The following POLA2 variants were observed in gnomAD, a reference collection of about 807,000 sequenced individuals.
The protein encoded by POLA2 is DNA polymerase alpha 2, accessory subunit, also known as DNA polymerase alpha subunit B.
A neutral mutation model predicts 82.8 loss-of-function variants in POLA2; 47 were observed. The observed-to-expected ratio is 0.57, with a 90% CI of 0.45 to 0.72. POLA2 has a LOEUF of 0.72. POLA2 is among the 30% of genes least tolerant of loss of function. The pLI is 0.00. For synonymous variants in POLA2, 287 were observed against 286.8 expected (o/e 1.00, Z -0.01); for missense variants, 634 against 728.1 (o/e 0.87, Z 1.49).
Position 65,281,162 on chromosome 11 carries a change from G to A in POLA2, c.900+15G>A, listed in dbSNP as rs549140949. On this transcript the variant is annotated intron_variant, in intron 8 of 17. Coordinates refer to ENST00000265465, the MANE Select transcript of POLA2 (RefSeq NM_002689.4). ...TTCCTGGACAGGTGAGATTGGAGGAGTTCCACCAGAATGCAGGCGCACTCT... is the reference window on the plus strand; with the variant it reads ...TTCCTGGACAGGTGAGATTGGAGGAATTCCACCAGAATGCAGGCGCACTCT... 6.2e-7 allele frequency: 1 copy of A among 1,613,056 alleles called. No homozygotes were observed. The highest frequency in any genetic ancestry group is 1.3e-5 in the African/African-American group (1 of 75,044).
rs764002978 is a variant in POLA2 at position 65,279,639 on chromosome 11, C to T, written c.744+13C>T. ...AGCCCCAGCACAGGTAAGAGTTGTTCTAATAGTTCTCACTAATTAATATTA... is the reference window on the plus strand; with the variant it reads ...AGCCCCAGCACAGGTAAGAGTTGTTTTAATAGTTCTCACTAATTAATATTA... On this transcript the variant is annotated intron_variant, in intron 7 of 17. Coordinates refer to ENST00000265465, the MANE Select transcript of POLA2 (RefSeq NM_002689.4). The T allele has an allele frequency of 6.4e-7, 1 of 1,556,782 alleles. No individual in the cohort carries two copies. Among genetic ancestry groups the T allele is most frequent in the East Asian group, 2.3e-5 (1 of 44,366 alleles).
At chr11:65,296,994 G>T in intron 17 of POLA2, 126 bp from the exon 18 acceptor site, 5 of 808,494 alleles carry the variant, frequency 6.2e-6, no homozygotes, top group Non-Finnish European at 7.9e-6. Flanking sequence ...CTGGTGATTT[G>T]GTTGCCTTCG....
rs189353467 is a variant in POLA2 at position 65,298,236 on chromosome 11, C to G, written c.*967C>G. Reference sequence around the variant, plus strand: ...ATGCATGCTGTGGTCCCAGCCTGACCTCTCCATCTGGAGGGGGCCGCCTCG... The same window carrying G: ...ATGCATGCTGTGGTCCCAGCCTGACGTCTCCATCTGGAGGGGGCCGCCTCG... On this transcript the variant is annotated 3_prime_UTR_variant, in exon 18 of 18. Coordinates refer to ENST00000265465, the MANE Select transcript of POLA2 (RefSeq NM_002689.4). The G allele has an allele frequency of 1.3e-5, 2 of 152,486 alleles. No homozygotes were observed. The highest frequency in any genetic ancestry group is 1.3e-4 in the Admixed American group (2 of 15,308). 9.4% of individuals were successfully genotyped at this position (152,486 alleles called of 1,614,324 possible).
At position 65,287,822 on chromosome 11, in the gene POLA2, G is replaced by C. The variant is rs1181009222; in HGVS notation, c.1113G>C (p.Arg371=). Residue 371 remains arginine, a synonymous_variant, in exon 11 of 18, where the codon CGG becomes CGC. Coordinates refer to ENST00000265465, the MANE Select transcript of POLA2 (RefSeq NM_002689.4). ...LDLIAVINHD[R]PDVCILFGPF... ...TGATTGCTGTCATCAACCATGACCGGCCAGATGTCTGCATCCTGGTAAGAG... is the reference window on the plus strand; with the variant it reads ...TGATTGCTGTCATCAACCATGACCGCCCAGATGTCTGCATCCTGGTAAGAG... 1.9e-6 allele frequency: 3 copies of C among 1,613,592 alleles called. No homozygotes were observed. Among genetic ancestry groups the C allele is most frequent in the Non-Finnish European group, 2.5e-6 (3 of 1,179,804 alleles).
At chr11:65,304,434 ACCATCCACCCAC>A (rs1949875851) in intron 8 of POLA2, among the ~76,000 whole-genome samples, 1 of 134,044 alleles carries the variant, frequency 7.5e-6, no homozygotes, top group African/African-American at 3.1e-5. Context: ...CATCCACCCA[ACCATCCACCCAC>A]CCACCCATCC....
intron 7 of POLA2, chr11:65,280,738 A>C: frequency 2.5e-4 from 113 of 454,914 alleles, no homozygotes; most frequent in East Asian, 4.7e-4. Context: ...CCCCTACACT[A>C]GAGATGCTCA....
At chr11:65,263,520 G>T (rs999238935) in intron 1 of POLA2, among the ~76,000 whole-genome samples, 1 of 152,004 alleles carries the variant, frequency 6.6e-6, no homozygotes, top group African/African-American at 2.4e-5. Flanking sequence ...CAGCAGGCTC[G>T]GTCCTTCTCT....
chr11:65,303,070 C>T (rs1348218729), downstream of POLA2, among the ~76,000 whole-genome samples: 2 of 152,048 alleles, frequency 1.3e-5, no homozygotes, highest in African/African-American at 2.4e-5. Flanking sequence ...GGGCCAGGCG[C>T]GGTGGCTGAC....
intron 13 of POLA2, among the ~76,000 whole-genome samples, chr11:65,293,297 G>T (rs1033756182): frequency 6.6e-6 from 1 of 152,074 alleles, no homozygotes; most frequent in Non-Finnish European, 1.5e-5. Context: ...CAGTCAGAGG[G>T]TTTCAGCTGG....
intron 1 of POLA2, among the ~76,000 whole-genome samples, chr11:65,264,542 C>G (rs1420021350): frequency 6.6e-6 from 1 of 152,168 alleles, no homozygotes; most frequent in Non-Finnish European, 1.5e-5. Context: ...TCCACCTTCT[C>G]CTGTAACATC....
In POLA2 at chr11:65,297,504, A is replaced by AAACCTGTCACCTCTCCTCTCCTCCCCAG; in HGVS notation, c.*235_*236insAACCTGTCACCTCTCCTCTCCTCCCCAG. 2.6e-6 allele frequency: 1 copy of AAACCTGTCACCTCTCCTCTCCTCCCCAG among 389,576 alleles called. No individual in the cohort carries two copies. The allele number at this position is 389,576 out of a possible 1,614,324, so 24.1% of individuals were successfully genotyped here. On this transcript the variant is annotated 3_prime_UTR_variant, in exon 18 of 18. Transcript: ENST00000265465. ...GCTTCTCAGTCCATGCTCCGTGTCCAGAAGTAAGCCAGCTGTGGATCCCGC... is the reference window on the plus strand; with the variant it reads ...GCTTCTCAGTCCATGCTCCGTGTCCAAACCTGTCACCTCTCCTCTCCTCCCCAGGAAGTAAGCCAGCTGTGGATCCCGC...
chr11:65,290,202 C>A (rs974778616), intron 13 of POLA2, among the ~76,000 whole-genome samples: 2 of 143,754 alleles, frequency 1.4e-5, no homozygotes, highest in Non-Finnish European at 3.0e-5. Context: ...GAGCCAAGAT[C>A]GTGCCGTTGC....
In POLA2 at chr11:65,295,958, A is replaced by C. The variant is rs1302848266; in HGVS notation, c.1615A>C (p.Ile539Leu). ...GCTGCCTGTCACCCCAGATGTCCTC[A>C]TCATCCCGTCAGAGCTGAGGTACTT... is the stretch of plus-strand genomic sequence containing the variant. ...AQLPVTPDVLIIPSELRYFVK... is the reference protein window; with the variant it reads ...AQLPVTPDVLLIPSELRYFVK... Residue 539 changes from isoleucine (I) to leucine (L), a missense_variant, in exon 17 of 18, where the codon ATC becomes CTC. Ile to Leu is a conservative substitution (Grantham distance 5, BLOSUM62 2). Transcript: ENST00000265465. The C allele has an allele frequency of 6.2e-7, 1 of 1,614,174 alleles. No individual in the cohort carries two copies.
Position 65,297,583 on chromosome 11 carries a change from A to G in POLA2, c.*314A>G, listed in dbSNP as rs1455185495. On this transcript the variant is annotated 3_prime_UTR_variant, in exon 18 of 18. Coordinates refer to ENST00000265465, the MANE Select transcript of POLA2 (RefSeq NM_002689.4). ...GATTTTCTACATGAATCAAACACAG[A>G]AACAACTTTTGGAGAAATTAAATTC... 4.3e-6 allele frequency: 1 copy of G among 234,118 alleles called. No homozygotes were observed. The highest frequency in any genetic ancestry group is 8.2e-6 in the Non-Finnish European group (1 of 121,780). 14.5% of individuals were successfully genotyped at this position (234,118 alleles called of 1,614,324 possible).
intron 5 of POLA2, 61 bp downstream of exon 5, chr11:65,276,059 A>C: frequency 1.1e-6 from 1 of 895,714 alleles, no homozygotes; most frequent in Non-Finnish European, 1.7e-6. Context: ...TTCTCTGGCT[A>C]TCTGAGGAAG....
intron 1 of POLA2, among the ~76,000 whole-genome samples, chr11:65,265,954 A>C (rs936971308): frequency 6.6e-6 from 1 of 152,076 alleles, no homozygotes; most frequent in African/African-American, 2.4e-5. Context: ...CCATGTATTT[A>C]CTGATGGTTC....
chr11:65,300,978 G>A (rs753065898), downstream of POLA2, among the ~76,000 whole-genome samples: 12 of 152,210 alleles, frequency 7.9e-5, no homozygotes, highest in Non-Finnish European at 1.8e-4. Flanking sequence ...AGATCCCACT[G>A]TATGGCTATA....
Position 65,262,214 on chromosome 11 carries a change from C to A in POLA2, c.-79C>A. The A allele has an allele frequency of 1.8e-6, 2 of 1,100,266 alleles. No homozygotes were observed. Among genetic ancestry groups the A allele is most frequent in the Non-Finnish European group, 2.7e-6 (2 of 735,932 alleles). The allele number at this position is 1,100,266 out of a possible 1,614,324, so 68.2% of individuals were successfully genotyped here. ...AAGGATAAGAGGGCGAGGAGCTCAT[C>A]GCTCGCCACCCCCGTGGGCTTCTTG... On this transcript the variant is annotated 5_prime_UTR_variant, in exon 1 of 18. Coordinates refer to ENST00000265465, the MANE Select transcript of POLA2 (RefSeq NM_002689.4).
chr11:65,291,766 A>G (rs971095223), intron 13 of POLA2, among the ~76,000 whole-genome samples: 1 of 152,222 alleles, frequency 6.6e-6, no homozygotes, highest in African/African-American at 2.4e-5. Context: ...GCATTGTCAC[A>G]CTGGGGATGA....
Sources: gnomAD v4.1 joint callset for allele counts (sites outside exome capture counted in the v4.1 genomes callset) on GRCh38, gnomAD v4.1.1 for gene constraint, MANE v1.5 for transcripts, NCBI Gene and HGNC (gene_info 2026-07-23, HGNC 2026-07-21) for gene names.